DUSP22: variants seen among roughly 807,000 people sequenced by gnomAD.
The protein encoded by DUSP22 is dual specificity protein phosphatase 22.
DUSP22 carries 24 observed loss-of-function variants against 24.5 expected under a neutral mutation model. The observed-to-expected ratio is 0.98, with a 90% confidence interval of 0.71 to 1.38. The LOEUF (loss-of-function observed/expected upper bound fraction) is 1.38. Ranked by LOEUF, DUSP22 falls within the 40% of genes most tolerant of loss-of-function variation. DUSP22 has a pLI of 0.00. For missense variants in DUSP22, 330 were observed against 269.2 expected (o/e 1.23, Z -1.58); for synonymous variants, 160 against 106.4 (o/e 1.50, Z -3.10).
intron 2 of DUSP22, among the ~76,000 whole-genome samples, chr6:309,889 C>G (rs1757993750): frequency 6.6e-6 from 1 of 152,296 alleles, no homozygotes; most frequent in African/African-American, 2.4e-5. Context: ...GAGCATTTTC[C>G]CATGCCATGA....
chr6:320,915 C>A (rs1027062927), intron 3 of DUSP22, among the ~76,000 whole-genome samples: 2 of 152,294 alleles, frequency 1.3e-5, no homozygotes, highest in Non-Finnish European at 2.9e-5. Context: ...TACCTTGCAG[C>A]AGGGATTGGG....
intron 1 of DUSP22, among the ~76,000 whole-genome samples, chr6:300,989 C>T (rs1457089942): frequency 6.6e-6 from 1 of 152,304 alleles, no homozygotes; most frequent in Non-Finnish European, 1.5e-5. Flanking sequence ...ACCAGCCCTG[C>T]TGCCTCTGTT....
At chr6:326,796 G>T (rs1758903256) in intron 3 of DUSP22, among the ~76,000 whole-genome samples, 1 of 152,304 alleles carries the variant, frequency 6.6e-6, no homozygotes. Flanking sequence ...CTCTGCATCA[G>T]AGCAAAGGAG....
intron 3 of DUSP22, among the ~76,000 whole-genome samples, chr6:312,187 T>A (rs1758141599): frequency 6.6e-6 from 1 of 152,312 alleles, no homozygotes; most frequent in Admixed American, 6.5e-5. Context: ...ATTGCCACTT[T>A]GGCTTTCGTG....
intron 2 of DUSP22, among the ~76,000 whole-genome samples, chr6:309,609 C>A (rs1179063062): frequency 1.3e-5 from 2 of 152,276 alleles, no homozygotes; most frequent in Non-Finnish European, 2.9e-5. Context: ...TTCCTCAGCC[C>A]CAGGGTAGAT....
At position 350,633 on chromosome 6, in the gene DUSP22, C is replaced by T; in HGVS notation, c.*1682C>T. The T allele has an allele frequency of 1.4e-6, 2 of 1,474,642 alleles. No individual in the cohort carries two copies. Among genetic ancestry groups the T allele is most frequent in the Non-Finnish European group, 1.8e-6 (2 of 1,114,332 alleles). 91.3% of individuals were successfully genotyped at this position (1,474,642 alleles called of 1,614,324 possible). ...GGCTGTAGAATCATCCATCCGTCTA[C>T]AGCTAAAACAATTTGCCAATAAAGT... On this transcript the variant is annotated 3_prime_UTR_variant, in exon 7 of 7. Coordinates refer to ENST00000419235, the MANE Select transcript of DUSP22 (RefSeq NM_001286555.3).
chr6:333,989 G>C (rs1442405360), intron 3 of DUSP22, among the ~76,000 whole-genome samples: 1 of 152,306 alleles, frequency 6.6e-6, no homozygotes, highest in African/African-American at 2.4e-5. Context: ...ACATTTAGTT[G>C]TCCCTATTGG....
At chr6:332,147 G>C (rs143440603) in intron 3 of DUSP22, among the ~76,000 whole-genome samples, 1 of 152,296 alleles carries the variant, frequency 6.6e-6, no homozygotes, top group Admixed American at 6.5e-5. Context: ...GCTGTGTGCC[G>C]GGCACCCTTG....
At chr6:302,668 A>G (rs1344181387) in intron 1 of DUSP22, among the ~76,000 whole-genome samples, 2 of 152,310 alleles carry the variant, frequency 1.3e-5, no homozygotes, top group Non-Finnish European at 2.9e-5. Context: ...GACTTTGGGC[A>G]GATAAACATG....
chr6:320,002 G>C (rs1291550299), intron 3 of DUSP22: 1 of 152,482 alleles, frequency 6.6e-6, no homozygotes, highest in Non-Finnish European at 1.5e-5. Flanking sequence ...TGTGGCAGTC[G>C]GGTGTGTAAG....
At chr6:313,231 G>T (rs1040749749) in intron 3 of DUSP22, among the ~76,000 whole-genome samples, 4 of 152,296 alleles carry the variant, frequency 2.6e-5, no homozygotes, top group Non-Finnish European at 5.9e-5. Context: ...TTAATAAATT[G>T]CAGAGATGCC....
intron 3 of DUSP22, among the ~76,000 whole-genome samples, chr6:330,769 T>G (rs1759104180): frequency 6.6e-6 from 1 of 152,308 alleles, no homozygotes; most frequent in Non-Finnish European, 1.5e-5. Context: ...GTCTGTTGTT[T>G]CTTTCAAAAC....
At chr6:335,449 T>C (rs1480511318) in intron 4 of DUSP22, among the ~76,000 whole-genome samples, 1 of 152,304 alleles carries the variant, frequency 6.6e-6, no homozygotes, top group Non-Finnish European at 1.5e-5. Context: ...ACCTTTAGTA[T>C]GCTCATCTTT....
intron 3 of DUSP22, among the ~76,000 whole-genome samples, chr6:322,512 C>A (rs564768870): frequency 1.3e-5 from 2 of 152,420 alleles, no homozygotes; most frequent in East Asian, 3.9e-4. Flanking sequence ...CCAAGAAGAC[C>A]CTCGTGTTTG....
At chr6:297,377 T>A (rs1270486531) in intron 1 of DUSP22, among the ~76,000 whole-genome samples, 2 of 152,308 alleles carry the variant, frequency 1.3e-5, no homozygotes, top group African/African-American at 4.8e-5. Flanking sequence ...TGGATGTGAC[T>A]GACACTTGTT....
At chr6:342,826 T>G (rs576179391) in intron 4 of DUSP22, among the ~76,000 whole-genome samples, 2 of 152,310 alleles carry the variant, frequency 1.3e-5, no homozygotes, top group Non-Finnish European at 2.9e-5. Flanking sequence ...TGCTTCAACA[T>G]GGACAGAGCT....
chr6:296,150 A>G (rs547289488), intron 1 of DUSP22, among the ~76,000 whole-genome samples: 84 of 152,400 alleles, frequency 5.5e-4, no homozygotes, highest in African/African-American at 2.0e-3. Flanking sequence ...TTTGACATTG[A>G]TAAGGAAGGG....
chr6:340,446 GCTCT>G (rs1759557990), intron 4 of DUSP22, among the ~76,000 whole-genome samples: 1 of 152,304 alleles, frequency 6.6e-6, no homozygotes, highest in Non-Finnish European at 1.5e-5. Flanking sequence ...AGAGGAAGCA[GCTCT>G]CTGTTATGAA....
At chr6:345,048 A>G (rs561360244) in intron 4 of DUSP22, among the ~76,000 whole-genome samples, 2 of 152,410 alleles carry the variant, frequency 1.3e-5, no homozygotes, top group Admixed American at 6.5e-5. Context: ...GGGATTTCTT[A>G]CAGAGAAATT....
Sources: gnomAD v4.1 joint callset for allele counts (sites outside exome capture counted in the v4.1 genomes callset) on GRCh38, gnomAD v4.1.1 for gene constraint, MANE v1.5 for transcripts, NCBI Gene and HGNC (gene_info 2026-07-23, HGNC 2026-07-21) for gene names.